Variants in ALCAM observed in about 807,000 individuals in gnomAD.
The protein encoded by ALCAM is activated leukocyte cell adhesion molecule.
Under a neutral mutation model 70.9 loss-of-function variants are expected in ALCAM, and 30 were observed. The observed-to-expected ratio is 0.42, with a 90% CI of 0.32 to 0.57. The LOEUF (loss-of-function observed/expected upper bound fraction) is 0.57. Among genes scored for constraint, ALCAM ranks in the 20% least tolerant of loss-of-function variants. The probability of loss-of-function intolerance (pLI) is 0.11; values close to 1 mark genes in which losing one functional copy is unlikely to be tolerated. For synonymous variants in ALCAM, 249 were observed against 242.5 expected, an observed-to-expected ratio of 1.03 and a Z score of -0.25; for missense variants, 591 against 695.1, an observed-to-expected ratio of 0.85 and a Z score of 1.68.
chr3:105,429,785 T>G (rs1051413360), intron 1 of ALCAM, among the ~76,000 whole-genome samples: 2 of 152,006 alleles, frequency 1.3e-5, no homozygotes, highest in African/African-American at 4.8e-5. Flanking sequence ...TATTTTCACC[T>G]ACAAAACTTA....
chr3:105,414,584 A>G (rs1366403516), intron 1 of ALCAM, among the ~76,000 whole-genome samples: 1 of 152,130 alleles, frequency 6.6e-6, no homozygotes, highest in Non-Finnish European at 1.5e-5. Context: ...AGAAAACAGC[A>G]TGAACAAAGA....
intron 1 of ALCAM, among the ~76,000 whole-genome samples, chr3:105,453,011 A>G (rs1421666770): frequency 6.6e-6 from 1 of 152,150 alleles, no homozygotes; most frequent in Non-Finnish European, 1.5e-5. Flanking sequence ...ATGTTCTCCC[A>G]TTCTGTAGGT....
intron 1 of ALCAM, among the ~76,000 whole-genome samples, chr3:105,487,533 A>G (rs1338442237): frequency 6.6e-6 from 1 of 152,052 alleles, no homozygotes; most frequent in African/African-American, 2.4e-5. Flanking sequence ...AGGAATAGAG[A>G]AAAAAAATGA....
At chr3:105,417,155 A>C (rs1410759942) in intron 1 of ALCAM, among the ~76,000 whole-genome samples, 1 of 151,810 alleles carries the variant, frequency 6.6e-6, no homozygotes, top group Non-Finnish European at 1.5e-5. Flanking sequence ...AGACATTCAC[A>C]CACCCCATTT....
intron 1 of ALCAM, among the ~76,000 whole-genome samples, chr3:105,496,792 A>G (rs1262171717): frequency 6.6e-6 from 1 of 150,522 alleles, no homozygotes; most frequent in Non-Finnish European, 1.5e-5. Context: ...TGCTTGGTGC[A>G]TTGGTGCAGT....
chr3:105,391,970 T>A (rs1428261628), intron 1 of ALCAM, among the ~76,000 whole-genome samples: 1 of 151,978 alleles, frequency 6.6e-6, no homozygotes, highest in African/African-American at 2.4e-5. Context: ...GCTGGATCAG[T>A]ATGCCAGTGT....
chr3:105,401,269 G>C (rs1235253897), intron 1 of ALCAM, among the ~76,000 whole-genome samples: 1 of 152,214 alleles, frequency 6.6e-6, no homozygotes, highest in African/African-American at 2.4e-5. Context: ...ATTATGTACT[G>C]TCTCTGTAAT....
intron 1 of ALCAM, among the ~76,000 whole-genome samples, chr3:105,368,301 G>C (rs1288775373): frequency 7.1e-6 from 1 of 140,176 alleles, no homozygotes; most frequent in Non-Finnish European, 1.5e-5. Context: ...TATCTCTCGG[G>C]AAATCCCTTT....
chr3:105,450,657 C>A (rs1937404051), intron 1 of ALCAM, among the ~76,000 whole-genome samples: 1 of 152,056 alleles, frequency 6.6e-6, no homozygotes, highest in Admixed American at 6.6e-5. Flanking sequence ...ACTTTAAATT[C>A]TTTTTTTCTA....
chr3:105,375,980 T>G (rs907654052), intron 1 of ALCAM, among the ~76,000 whole-genome samples: 4 of 152,110 alleles, frequency 2.6e-5, no homozygotes, highest in African/African-American at 9.7e-5. Flanking sequence ...TACGGCCTTT[T>G]GAGAGGCTCA....
At chr3:105,486,433 A>C (rs1938429377) in intron 1 of ALCAM, among the ~76,000 whole-genome samples, 1 of 152,164 alleles carries the variant, frequency 6.6e-6, no homozygotes, top group Non-Finnish European at 1.5e-5. Flanking sequence ...TCTACCTTCC[A>C]AATGGGCATT....
intron 1 of ALCAM, among the ~76,000 whole-genome samples, chr3:105,465,491 G>C (rs1292927087): frequency 6.6e-6 from 1 of 151,266 alleles, no homozygotes; most frequent in African/African-American, 2.4e-5. Context: ...TGAAGGAATG[G>C]CATTTACTAT....
chr3:105,424,861 C>T (rs772452533), intron 1 of ALCAM, among the ~76,000 whole-genome samples: 1 of 151,504 alleles, frequency 6.6e-6, no homozygotes. Context: ...GGAAAGAGTA[C>T]CTTACTTTCT....
intron 1 of ALCAM, among the ~76,000 whole-genome samples, chr3:105,415,867 A>G (rs1447906703): frequency 3.9e-5 from 6 of 152,122 alleles, no homozygotes; most frequent in Admixed American, 3.9e-4. Context: ...TAGTTAAAAC[A>G]TATAGAAACT....
At chr3:105,547,736 T>C (rs1468939230) in intron 11 of ALCAM, among the ~76,000 whole-genome samples, 1 of 151,410 alleles carries the variant, frequency 6.6e-6, no homozygotes, top group African/African-American at 2.4e-5. Flanking sequence ...AGAGAAATTT[T>C]ATCCCAGGGC....
chr3:105,570,916 CTT>C (rs984933491), intron 14 of ALCAM, among the ~76,000 whole-genome samples: 4 of 152,062 alleles, frequency 2.6e-5, no homozygotes, highest in Non-Finnish European at 5.9e-5. Flanking sequence ...GCAATTGTCT[CTT>C]ATTCTGGATG....
intron 4 of ALCAM, 55 bp from the exon 5 acceptor site, chr3:105,533,547 CA>C: frequency 6.6e-7 from 1 of 1,513,590 alleles, no homozygotes. Flanking sequence ...CTGGAGTTTC[CA>C]AATTGACAGC....
chr3:105,434,802 G>T (rs973306190), intron 1 of ALCAM, among the ~76,000 whole-genome samples: 1 of 152,076 alleles, frequency 6.6e-6, no homozygotes, highest in African/African-American at 2.4e-5. Context: ...TTGTTTAAAT[G>T]AGGTCTTATT....
intron 1 of ALCAM, among the ~76,000 whole-genome samples, chr3:105,370,933 G>A (rs561545327): frequency 6.6e-6 from 1 of 152,230 alleles, no homozygotes; most frequent in East Asian, 1.9e-4. Context: ...ATATGACAAA[G>A]CCTCATATTG....
Sources: gnomAD v4.1 joint callset for allele counts (sites outside exome capture counted in the v4.1 genomes callset) on GRCh38, gnomAD v4.1.1 for gene constraint, MANE v1.5 for transcripts, NCBI Gene and HGNC (gene_info 2026-07-23, HGNC 2026-07-21) for gene names.